Variants in DCDC2C observed in about 807,000 individuals in gnomAD.
DCDC2C encodes doublecortin domain containing 2C.
DCDC2C carries 44 observed loss-of-function variants against 45.0 expected under a neutral mutation model. The observed-to-expected ratio is 0.98, with a 90% CI of 0.77 to 1.26. The LOEUF (loss-of-function observed/expected upper bound fraction) is 1.26, where lower values mean the gene tolerates loss of function less well. DCDC2C is among the 50% of genes most tolerant of loss of function. The pLI is 0.00. For synonymous variants in DCDC2C, 187 were observed against 178.8 expected (o/e 1.05, Z -0.37); for missense variants, 447 against 468.9 (o/e 0.95, Z 0.43).
intron 10 of DCDC2C, among the ~76,000 whole-genome samples, chr2:3,806,350 C>T (rs183149308): frequency 4.0e-4 from 61 of 152,366 alleles, no homozygotes; most frequent in African/African-American, 1.4e-3. Context: ...CTTCTATCAG[C>T]TTCCCTCACC....
At chr2:3,784,568 TAAC>T (rs1670599153) in intron 9 of DCDC2C, among the ~76,000 whole-genome samples, 1 of 151,862 alleles carries the variant, frequency 6.6e-6, no homozygotes, top group Admixed American at 6.6e-5. Context: ...TATATTAATA[TAAC>T]AAATATTAAT....
intron 2 of DCDC2C, among the ~76,000 whole-genome samples, chr2:3,713,791 A>T (rs1337353459): frequency 6.6e-6 from 1 of 152,228 alleles, no homozygotes; most frequent in Non-Finnish European, 1.5e-5. Context: ...AGCAAGATTA[A>T]GTGAGATGAT....
At chr2:3,803,499 C>G (rs1442813535) in intron 10 of DCDC2C, among the ~76,000 whole-genome samples, 1 of 152,254 alleles carries the variant, frequency 6.6e-6, no homozygotes, top group Non-Finnish European at 1.5e-5. Context: ...TGTCCCACTT[C>G]TGTTTCCAAA....
At chr2:3,783,260 T>C (rs1373942092) in intron 9 of DCDC2C, among the ~76,000 whole-genome samples, 1 of 152,096 alleles carries the variant, frequency 6.6e-6, no homozygotes, top group East Asian at 1.9e-4. Context: ...GGACTCTGAT[T>C]TGGGGTTATG....
At chr2:3,776,515 G>C (rs987862014) in intron 8 of DCDC2C, among the ~76,000 whole-genome samples, 1 of 152,006 alleles carries the variant, frequency 6.6e-6, no homozygotes, top group Non-Finnish European at 1.5e-5. Context: ...TTGCAATGCT[G>C]TCTTCCTTTG....
chr2:3,742,662 A>T (rs931444959), intron 4 of DCDC2C, among the ~76,000 whole-genome samples: 1 of 152,222 alleles, frequency 6.6e-6, no homozygotes, highest in African/African-American at 2.4e-5. Context: ...GGGTCCTCAT[A>T]TATGTAAAGT....
At position 3,703,583 on chromosome 2, in the gene DCDC2C, C is replaced by A; in HGVS notation, c.-169C>A. 1.6e-6 allele frequency: 1 copy of A among 628,736 alleles called. No individual in the cohort carries two copies. Among genetic ancestry groups the A allele is most frequent in the Non-Finnish European group, 2.2e-6 (1 of 455,430 alleles). 38.9% of individuals were successfully genotyped at this position (628,736 alleles called of 1,614,324 possible). A position where few individuals can be genotyped will look rare whatever the true frequency, so the allele number is the denominator to read the frequency against. On this transcript the variant is annotated 5_prime_UTR_variant, in exon 1 of 11. Coordinates refer to ENST00000399143, the MANE Select transcript of DCDC2C (RefSeq NM_001287444.2). This position sits in a 1 kb window ranked among gnomAD's most constrained non-coding sequence, Gnocchi z 4.4. ...GCCTCCGCCCGCCTGGCAGCCCCGT[C>A]CCGTCCCCGTCCAGCCCCCGTCCCG...
chr2:3,729,086 G>T (rs552753962), intron 3 of DCDC2C, among the ~76,000 whole-genome samples: 8 of 152,346 alleles, frequency 5.3e-5, no homozygotes, highest in African/African-American at 1.9e-4. Context: ...ATACTGGCGT[G>T]GAAAACACCC....
chr2:3,847,162 G>T lies in DCDC2C; in HGVS notation c.1074G>T (p.Arg358=). 8.1e-7 allele frequency: 1 copy of T among 1,231,678 alleles called. No homozygotes were observed. Among genetic ancestry groups the T allele is most frequent in the Non-Finnish European group, 1.0e-6 (1 of 987,938 alleles). The allele number at this position is 1,231,678 out of a possible 1,614,324, so 76.3% of individuals were successfully genotyped here. A position where few individuals can be genotyped will look rare whatever the true frequency, so the allele number is the denominator to read the frequency against. Reference sequence around the variant, plus strand: ...TTTTCTATGTCTTCCAGATGGCCCGGGAGTGGAAACCTGTAGATTAACAAA... The same window carrying T: ...TTTTCTATGTCTTCCAGATGGCCCGTGAGTGGAAACCTGTAGATTAACAAA... ...LCEDVERKMA[R]EWKPVD Residue 358 remains arginine (R), a synonymous_variant, in exon 11 of 11, where the codon CGG becomes CGT. Transcript: ENST00000399143.
intron 10 of DCDC2C, among the ~76,000 whole-genome samples, chr2:3,785,846 C>G (rs1303133509): frequency 2.0e-5 from 3 of 152,154 alleles, no homozygotes; most frequent in Non-Finnish European, 2.9e-5. Context: ...CTAACTGAAG[C>G]CAGCGTCTGC....
At chr2:3,706,141 T>C (rs1416354680) in intron 1 of DCDC2C, among the ~76,000 whole-genome samples, 1 of 152,244 alleles carries the variant, frequency 6.6e-6, no homozygotes, top group African/African-American at 2.4e-5. Flanking sequence ...ATTTATATTC[T>C]GTAATTGCTA....
At chr2:3,730,881 A>G (rs1282823975) in intron 3 of DCDC2C, among the ~76,000 whole-genome samples, 1 of 152,188 alleles carries the variant, frequency 6.6e-6, no homozygotes. Context: ...TTTGGCCTCC[A>G]ACAAGCTATG....
intron 2 of DCDC2C, among the ~76,000 whole-genome samples, chr2:3,719,334 C>T (rs535596611): frequency 6.6e-6 from 1 of 152,314 alleles, no homozygotes; most frequent in East Asian, 1.9e-4. Context: ...ATCTGCCCGC[C>T]TTGGCCTCCC....
intron 3 of DCDC2C, among the ~76,000 whole-genome samples, chr2:3,737,035 A>G (rs1002579854): frequency 1.3e-5 from 2 of 152,122 alleles, no homozygotes; most frequent in Admixed American, 6.5e-5. Flanking sequence ...TAAGACCTTC[A>G]TCTGTTCCTT....
intron 8 of DCDC2C, among the ~76,000 whole-genome samples, chr2:3,776,442 T>A (rs1271963857): frequency 6.6e-6 from 1 of 152,132 alleles, no homozygotes; most frequent in Non-Finnish European, 1.5e-5. Context: ...ACCCAACACA[T>A]TCCCCAGTTC....
intron 6 of DCDC2C, among the ~76,000 whole-genome samples, chr2:3,762,368 A>G (rs73144865): frequency 0.033 from 5,015 of 152,066 alleles, 276 homozygotes; most frequent in African/African-American, 0.12. Context: ...GTACTGGGGG[A>G]AGGAAGCTGT....
At chr2:3,758,365 T>C (rs1335534278) in intron 6 of DCDC2C, among the ~76,000 whole-genome samples, 1 of 152,218 alleles carries the variant, frequency 6.6e-6, no homozygotes, top group African/African-American at 2.4e-5. Context: ...AATTGAATTG[T>C]GTGTGGGGTT....
intron 10 of DCDC2C, among the ~76,000 whole-genome samples, chr2:3,823,590 CTCAG>C: frequency 6.6e-6 from 1 of 152,270 alleles, no homozygotes; most frequent in Non-Finnish European, 1.5e-5. Context: ...CTTTTCTCAA[CTCAG>C]TCAGTTTTTG....
intron 2 of DCDC2C, among the ~76,000 whole-genome samples, chr2:3,714,582 A>G (rs1306326636): frequency 1.3e-5 from 2 of 152,178 alleles, no homozygotes; most frequent in African/African-American, 4.8e-5. Context: ...TTTAGACCAC[A>G]TTTTTGTCAT....
Sources: allele counts gnomAD v4.1 joint callset (sites outside exome capture counted in the v4.1 genomes callset), GRCh38; gene constraint gnomAD v4.1.1; non-coding constraint Gnocchi (gnomAD v3.1); transcripts MANE v1.5; gene names NCBI Gene and HGNC (gene_info 2026-07-23, HGNC 2026-07-21).